Variants in PIP5K1B observed in about 807,000 individuals in gnomAD.
PIP5K1B encodes the protein phosphatidylinositol 4-phosphate 5-kinase type-1 beta.
In PIP5K1B, 42 loss-of-function variants were observed where a neutral mutation model predicts 67.0. The observed-to-expected ratio is 0.63, with a 90% confidence interval of 0.49 to 0.81. The LOEUF (loss-of-function observed/expected upper bound fraction) is 0.81. Ranked by LOEUF, PIP5K1B falls within the 30% of genes least tolerant of loss-of-function variation. The pLI is 0.00. For synonymous variants in PIP5K1B, 214 were observed against 231.4 expected (o/e 0.92, Z 0.68); for missense variants, 459 against 646.3 (o/e 0.71, Z 3.14).
intron 4 of PIP5K1B, among the ~76,000 whole-genome samples, chr9:68,852,516 C>T (rs1182551594): frequency 6.6e-6 from 1 of 152,198 alleles, no homozygotes; most frequent in Non-Finnish European, 1.5e-5. Flanking sequence ...TTTGACCTCA[C>T]TCTCAAACCT....
chr9:68,865,031 C>T (rs1316702200), intron 5 of PIP5K1B, among the ~76,000 whole-genome samples: 1 of 152,072 alleles, frequency 6.6e-6, no homozygotes, highest in Non-Finnish European at 1.5e-5. Context: ...ATGCAGTAAC[C>T]CCCACATAGT....
intron 5 of PIP5K1B, among the ~76,000 whole-genome samples, chr9:68,866,961 A>G (rs988884487): frequency 4.6e-5 from 7 of 152,234 alleles, no homozygotes; most frequent in Admixed American, 2.0e-4. Context: ...CCAAAAAATC[A>G]AATTGACCAG....
At chr9:68,940,892 T>C in intron 14 of PIP5K1B, 102 bp downstream of exon 14, 1 of 1,076,076 alleles carries the variant, frequency 9.3e-7, no homozygotes, top group Non-Finnish European at 1.4e-6. Context: ...ACAACCAGGA[T>C]GTGCCTGTCA....
intron 14 of PIP5K1B, among the ~76,000 whole-genome samples, chr9:68,983,652 C>T (rs11144648): frequency 0.11 from 16,123 of 152,218 alleles, 1,010 homozygotes; most frequent in East Asian, 0.31. Context: ...CTATTTGCAG[C>T]TGGGAGCAGT....
At chr9:68,988,444 G>GTTTTTTTTTTT (rs61373302) in intron 14 of PIP5K1B, among the ~76,000 whole-genome samples, 1 of 109,990 alleles carries the variant, frequency 9.1e-6, no homozygotes, top group Non-Finnish European at 1.8e-5. Flanking sequence ...TTTTTTTGGG[G>GTTTTTTTTTTT]TTTTTTTTTT....
At chr9:68,761,175 T>TGC (rs1218598402) in intron 2 of PIP5K1B, among the ~76,000 whole-genome samples, 2 of 152,126 alleles carry the variant, frequency 1.3e-5, no homozygotes, top group Non-Finnish European at 2.9e-5. Flanking sequence ...GTGGACCAGA[T>TGC]GTTCCTCTCT....
Position 68,923,401 on chromosome 9 carries a change from A to C in PIP5K1B, c.1201+15A>C. 1.4e-6 allele frequency: 2 copies of C among 1,420,564 alleles called. No homozygotes were observed. The highest frequency in any genetic ancestry group is 2.3e-5 in the East Asian group (1 of 43,588). The allele number at this position is 1,420,564 out of a possible 1,614,324, so 88.0% of individuals were successfully genotyped here. Reference sequence around the variant, plus strand: ...GAAAATTCAAGGTAAGATTCTTATGAATTTTTTTTTTTACTTTTAGCAGCT... The same window carrying C: ...GAAAATTCAAGGTAAGATTCTTATGCATTTTTTTTTTTACTTTTAGCAGCT... On this transcript the variant is annotated intron_variant, in intron 12 of 15. Transcript: ENST00000265382.
chr9:68,893,206 G>T (rs12686613), intron 7 of PIP5K1B, among the ~76,000 whole-genome samples: 7,079 of 152,174 alleles, frequency 0.047, 295 homozygotes, highest in East Asian at 0.24. Flanking sequence ...CAAATGTTGA[G>T]AATTGGGGGA....
intron 2 of PIP5K1B, among the ~76,000 whole-genome samples, chr9:68,769,881 A>C (rs1564120737): frequency 6.6e-6 from 1 of 152,208 alleles, no homozygotes; most frequent in African/African-American, 2.4e-5. Context: ...AACTTGAAAA[A>C]TACTTTTTCA....
chr9:68,901,791 G>T (rs1010173345), intron 8 of PIP5K1B, among the ~76,000 whole-genome samples: 6 of 152,272 alleles, frequency 3.9e-5, no homozygotes, highest in Middle Eastern at 6.8e-3. Context: ...GTAAAAGAAT[G>T]CCTTCTACTC....
rs182666494 is a variant in PIP5K1B, at chr9:69,007,666, G to A, written c.1621-781G>A. 1.7e-3 allele frequency among the ~76,000 whole-genome samples: 257 copies of A among 152,242 alleles called. 1 individual carries two copies. The highest frequency in any genetic ancestry group is 7.5e-3 in the East Asian group (39 of 5,182). On this transcript the variant is annotated intron_variant, in intron 15 of 15. Coordinates refer to ENST00000265382, the MANE Select transcript of PIP5K1B (RefSeq NM_003558.4). ...AGGTCAGGAGTTCAAGACCATCCTG[G>A]CTAACACAGTGAAACCCCATCTCTA...
chr9:68,994,230 C>T lies in PIP5K1B; in HGVS notation c.1620+2973C>T, dbSNP rs1264560698. Among the ~76,000 whole-genome samples the T allele has an allele frequency of 4.0e-5, 6 of 151,598 alleles. No homozygotes were observed. In the South Asian group the frequency reaches 8.3e-4, roughly 21 times the overall value. On this transcript the variant is annotated intron_variant, in intron 15 of 15. Coordinates refer to ENST00000265382, the MANE Select transcript of PIP5K1B (RefSeq NM_003558.4). ...TAATTTTTCGTGTTTTCACTAGAGACGGGGTTTCGCCATGTTGGTCAGGCT... is the reference window on the plus strand; with the variant it reads ...TAATTTTTCGTGTTTTCACTAGAGATGGGGTTTCGCCATGTTGGTCAGGCT...
chr9:68,954,115 G>A (rs979489496), intron 14 of PIP5K1B, among the ~76,000 whole-genome samples: 1 of 152,124 alleles, frequency 6.6e-6, no homozygotes, highest in African/African-American at 2.4e-5. Context: ...CCAGTCTTCT[G>A]TTGGAATGGG....
Position 68,764,812 on chromosome 9 carries a change from A to G in PIP5K1B, c.-86+22155A>G, listed in dbSNP as rs972451220. On this transcript the variant is annotated intron_variant, in intron 2 of 15. Coordinates refer to ENST00000265382, the MANE Select transcript of PIP5K1B (RefSeq NM_003558.4). ...TCTTAACCATAAACATCAATGTAGC[A>G]AAGAAAAATTGATTTTGTAATTGAT... is the stretch of plus-strand genomic sequence containing the variant. Among the ~76,000 whole-genome samples the G allele has an allele frequency of 2.6e-5, 4 of 152,260 alleles. No homozygotes were observed. In the East Asian group the frequency reaches 5.8e-4, roughly 22 times the overall value.
At chr9:68,824,562 T>A (rs1833889661) in intron 4 of PIP5K1B, among the ~76,000 whole-genome samples, 1 of 152,102 alleles carries the variant, frequency 6.6e-6, no homozygotes, top group Non-Finnish European at 1.5e-5. Context: ...TGTAATAATA[T>A]CAGGATCTTA....
intron 14 of PIP5K1B, 108 bp from the exon 15 acceptor site, chr9:68,991,032 A>C: frequency 1.4e-6 from 1 of 704,720 alleles, no homozygotes; most frequent in South Asian, 1.7e-5. Flanking sequence ...AATTCTCAAA[A>C]TTGTTTATCC....
chr9:68,849,376 T>C (rs1822363269), intron 4 of PIP5K1B, among the ~76,000 whole-genome samples: 1 of 152,096 alleles, frequency 6.6e-6, no homozygotes, highest in African/African-American at 2.4e-5. Flanking sequence ...TACAGTCTCA[T>C]TTTAATTTTA....
chr9:68,740,916 G>A (rs1364630381), intron 1 of PIP5K1B, among the ~76,000 whole-genome samples: 1 of 152,174 alleles, frequency 6.6e-6, no homozygotes, highest in African/African-American at 2.4e-5. Flanking sequence ...TGTGTCAGAG[G>A]TCTTTTACCT....
At chr9:68,935,074 C>T (rs1483508892) in intron 13 of PIP5K1B, 29 bp downstream of exon 13, 1 of 1,587,668 alleles carries the variant, frequency 6.3e-7, no homozygotes, top group Non-Finnish European at 8.6e-7. Flanking sequence ...TTTAAAAAGA[C>T]AAACGTTCTT....
Sources: allele counts gnomAD v4.1 joint callset (sites outside exome capture counted in the v4.1 genomes callset), GRCh38; gene constraint gnomAD v4.1.1; transcripts MANE v1.5; gene names NCBI Gene and HGNC (gene_info 2026-07-23, HGNC 2026-07-21).